The following KCNH8 variants were observed in gnomAD, a reference collection of about 807,000 sequenced individuals.
The protein encoded by KCNH8 is potassium voltage-gated channel subfamily H member 8.
KCNH8 carries 70 observed loss-of-function variants against 103.6 expected under a neutral mutation model. The ratio of observed to expected loss-of-function variants is 0.68; its 90% CI spans 0.56 to 0.82. The LOEUF is 0.82. Ranked by LOEUF, KCNH8 falls within the 40% of genes least tolerant of loss-of-function variation. The pLI, the probability that KCNH8 is intolerant of heterozygous loss-of-function variation, is 0.00. For synonymous variants in KCNH8, 498 were observed against 489.4 expected (o/e 1.02, Z -0.23); for missense variants, 1,217 against 1,329.9 (o/e 0.92, Z 1.32).
At chr3:19,292,366 A>G (rs2064940310) in intron 3 of KCNH8, among the ~76,000 whole-genome samples, 1 of 152,170 alleles carries the variant, frequency 6.6e-6, no homozygotes, top group South Asian at 2.1e-4. Flanking sequence ...CAAGATTCCA[A>G]CGCAGTGGCA....
At position 19,188,955 on chromosome 3, in the gene KCNH8, G is replaced by GTT. The variant is rs113863380; in HGVS notation, c.76+40169_76+40170dup. Among the ~76,000 whole-genome samples, 381 of 149,428 alleles carry GTT rather than the reference G, an allele frequency of 2.5e-3. 3 individuals carry two copies. Among genetic ancestry groups the GTT allele is most frequent in the African/African-American group, 8.6e-3 (347 of 40,274 alleles). ...CTGCTTCCAGCTCACAAGTTTGTTT[G>GTT]TTTTTTTTTTAACACAAACTACGGG... On this transcript the variant is annotated intron_variant, in intron 1 of 15. Transcript: ENST00000328405.
At chr3:19,364,985 C>G (rs1284384669) in intron 5 of KCNH8, among the ~76,000 whole-genome samples, 6 of 152,038 alleles carry the variant, frequency 3.9e-5, no homozygotes, top group Non-Finnish European at 8.8e-5. Context: ...TTGATTGTTT[C>G]AAACATAGCA....
chr3:19,446,170 A>G (rs1280782470), intron 8 of KCNH8, among the ~76,000 whole-genome samples: 1 of 152,046 alleles, frequency 6.6e-6, no homozygotes, highest in Non-Finnish European at 1.5e-5. Context: ...GACAAAATAT[A>G]CAGAAAAGAT....
At chr3:19,506,746 G>T (rs576557305) in intron 11 of KCNH8, among the ~76,000 whole-genome samples, 1 of 152,176 alleles carries the variant, frequency 6.6e-6, no homozygotes, top group African/African-American at 2.4e-5. Flanking sequence ...TCGTCTCTGG[G>T]GGCTCCACTC....
intron 1 of KCNH8, among the ~76,000 whole-genome samples, chr3:19,243,456 A>G (rs2064167286): frequency 6.6e-6 from 1 of 152,192 alleles, no homozygotes; most frequent in Non-Finnish European, 1.5e-5. Flanking sequence ...TTAACTTACA[A>G]TTATCTCTTG....
chr3:19,282,364 G>A (rs1462560241), intron 3 of KCNH8, among the ~76,000 whole-genome samples: 1 of 152,114 alleles, frequency 6.6e-6, no homozygotes. Context: ...TTTAGAGCAA[G>A]CATAGTACCT....
At chr3:19,320,942 C>T (rs887788327) in intron 3 of KCNH8, among the ~76,000 whole-genome samples, 2 of 151,740 alleles carry the variant, frequency 1.3e-5, no homozygotes, top group Non-Finnish European at 2.9e-5. Context: ...TTATTCATCT[C>T]CTCCAGGTTT....
At chr3:19,166,036 G>A (rs2063279962) in intron 1 of KCNH8, among the ~76,000 whole-genome samples, 1 of 152,168 alleles carries the variant, frequency 6.6e-6, no homozygotes, top group Non-Finnish European at 1.5e-5. Context: ...ACATGGACAA[G>A]CATGGGCTTG....
intron 5 of KCNH8, among the ~76,000 whole-genome samples, chr3:19,384,442 A>G (rs1037733681): frequency 3.3e-5 from 5 of 152,226 alleles, no homozygotes; most frequent in African/African-American, 7.2e-5. Flanking sequence ...AGCTCTTCCA[A>G]TAAGAACCCA....
At chr3:19,214,588 A>G (rs1200599682) in intron 1 of KCNH8, among the ~76,000 whole-genome samples, 1 of 152,230 alleles carries the variant, frequency 6.6e-6, no homozygotes, top group Non-Finnish European at 1.5e-5. Flanking sequence ...AAACTTTACC[A>G]GAAACCATGT....
chr3:19,451,270 C>T lies in KCNH8; in HGVS notation c.1691C>T (p.Ser564Phe). 2.5e-6 allele frequency: 4 copies of T among 1,613,990 alleles called. No individual in the cohort carries two copies. The highest frequency in any genetic ancestry group is 3.4e-6 in the Non-Finnish European group (4 of 1,179,904). ...CASRGCLRSL[S>F]LHIKTSFCAP... ...AGCCGGGGCTGCCTCAGGTCTCTGT[C>T]TCTACACATCAAAACCTCTTTCTGT... is the stretch of plus-strand genomic sequence containing the variant. The change falls in exon 10 of 16, where the codon TCT becomes TTT. Residue 564 changes from serine to phenylalanine, a missense_variant. Coordinates refer to ENST00000328405, the MANE Select transcript of KCNH8 (RefSeq NM_144633.3).
At chr3:19,194,124 A>T (rs1395478395) in intron 1 of KCNH8, among the ~76,000 whole-genome samples, 1 of 151,890 alleles carries the variant, frequency 6.6e-6, no homozygotes, top group East Asian at 1.9e-4. Flanking sequence ...ACAACTTGTT[A>T]TGGCATTTAA....
At chr3:19,532,615 C>T (rs1362274258) in intron 15 of KCNH8, among the ~76,000 whole-genome samples, 1 of 152,168 alleles carries the variant, frequency 6.6e-6, no homozygotes, top group Non-Finnish European at 1.5e-5. Flanking sequence ...GCTTTACATG[C>T]AGTATCTGCC....
chr3:19,205,058 C>T (rs986565872), intron 1 of KCNH8, among the ~76,000 whole-genome samples: 5 of 151,906 alleles, frequency 3.3e-5, no homozygotes, highest in African/African-American at 7.2e-5. Context: ...GCTGTCTATT[C>T]GCTCATTCAT....
chr3:19,258,945 CTCTATATATATATATATATA>C (rs1229229117), intron 2 of KCNH8, among the ~76,000 whole-genome samples: 1 of 42,252 alleles, frequency 2.4e-5, no homozygotes, highest in South Asian at 8.1e-4. Context: ...CTCTCTCTCT[CTCTATATATATATATATATA>C]TATATATATA....
At chr3:19,281,679 A>C (rs748941425) in intron 3 of KCNH8, among the ~76,000 whole-genome samples, 5 of 152,104 alleles carry the variant, frequency 3.3e-5, no homozygotes, top group African/African-American at 4.8e-5. Flanking sequence ...GTGATTTAAA[A>C]TACATCTCTC....
chr3:19,456,370 C>T (rs555245779), intron 10 of KCNH8, among the ~76,000 whole-genome samples: 1 of 152,094 alleles, frequency 6.6e-6, no homozygotes, highest in East Asian at 1.9e-4. Context: ...AGGGACTTTG[C>T]TTCCACAAAT....
chr3:19,253,317 A>G (rs959452234), intron 1 of KCNH8, among the ~76,000 whole-genome samples: 1 of 152,090 alleles, frequency 6.6e-6, no homozygotes, highest in Non-Finnish European at 1.5e-5. Context: ...ATTCACCTAT[A>G]CATTACATGG....
intron 11 of KCNH8, among the ~76,000 whole-genome samples, chr3:19,497,781 C>A (rs1316965105): frequency 6.6e-6 from 1 of 152,114 alleles, no homozygotes; most frequent in African/African-American, 2.4e-5. Flanking sequence ...GAATTCAGGT[C>A]TTCAATATCT....
Sources: gnomAD v4.1 joint callset for allele counts (sites outside exome capture counted in the v4.1 genomes callset) on GRCh38, gnomAD v4.1.1 for gene constraint, MANE v1.5 for transcripts, NCBI Gene and HGNC (gene_info 2026-07-23, HGNC 2026-07-21) for gene names.